ZP2: variants seen among roughly 807,000 people sequenced by gnomAD.
The protein encoded by ZP2 is zona pellucida sperm-binding protein 2.
ZP2 carries 51 observed loss-of-function variants against 84.0 expected under a neutral mutation model. The ratio of observed to expected loss-of-function variants is 0.61; its 90% CI spans 0.49 to 0.77. The LOEUF is 0.77. Ranked by LOEUF, ZP2 falls within the 30% of genes least tolerant of loss-of-function variation. ZP2 has a pLI of 0.00. For synonymous variants in ZP2, 375 were observed against 330.9 expected, an observed-to-expected ratio of 1.13 and a Z score of -1.45; for missense variants, 909 against 911.9, an observed-to-expected ratio of 1.00 and a Z score of 0.04.
chr16:21,200,352 C>A (rs113502602), intron 14 of ZP2, among the ~76,000 whole-genome samples: 1 of 152,126 alleles, frequency 6.6e-6, no homozygotes, highest in Non-Finnish European at 1.5e-5. Flanking sequence ...GCAGGTGAAT[C>A]GCTTGAATCT....
chr16:21,206,526 C>A (rs1256019355), intron 5 of ZP2, among the ~76,000 whole-genome samples: 3 of 152,128 alleles, frequency 2.0e-5, no homozygotes, highest in Non-Finnish European at 4.4e-5. Flanking sequence ...TGGAACATGG[C>A]ATGTATTCCA....
chr16:21,207,007 C>G lies in ZP2; in HGVS notation c.331-17G>C. On this transcript the variant is annotated splice_polypyrimidine_tract_variant and intron_variant, in intron 4 of 18. Coordinates refer to ENST00000574091, the MANE Select transcript of ZP2 (RefSeq NM_001376232.1). ...TCCACCATGCTGTGTACAGATAGCA[C>G]AGTGGGAACAGAGTAAGTACTGTAC... The G allele has an allele frequency of 2.5e-6, 4 of 1,613,916 alleles. No homozygotes were observed. Among genetic ancestry groups the G allele is most frequent in the Non-Finnish European group, 3.4e-6 (4 of 1,179,944 alleles).
At chr16:21,203,912 A>G (rs1597586317) in intron 9 of ZP2, 118 bp downstream of exon 9, 4 of 1,082,102 alleles carry the variant, frequency 3.7e-6, no homozygotes, top group Non-Finnish European at 5.5e-6. Context: ...TGGAGTTTGA[A>G]TCTGTTATGT....
chr16:21,210,169 C>A lies in ZP2; in HGVS notation c.175G>T (p.Glu59Ter), dbSNP rs2093268153. Residue 59 changes from glutamate (E) to a stop codon, truncating the protein, a stop_gained, in exon 3 of 19, where the codon GAA becomes TAA. Coordinates refer to ENST00000574091, the MANE Select transcript of ZP2 (RefSeq NM_001376232.1). LOFTEE classifies it high-confidence loss of function. Reference sequence around the variant, plus strand: ...CTGCTTGGGAACTCCACTGTTATTTCCCTTTCATCGCAAGTGACAGTGCCT... The same window carrying A: ...CTGCTTGGGAACTCCACTGTTATTTACCTTTCATCGCAAGTGACAGTGCCT... ...FPGTVTCDER[E>*]ITVEFPSSPG... is the part of the protein sequence containing the mutation. 2 of 1,613,952 alleles carry A rather than the reference C, an allele frequency of 1.2e-6. No individual in the cohort carries two copies. The highest frequency in any genetic ancestry group is 1.3e-5 in the African/African-American group (1 of 74,884).
chr16:21,198,761 C>T lies in ZP2; in HGVS notation c.2011+18G>A. The T allele has an allele frequency of 6.2e-7, 1 of 1,611,972 alleles. No individual in the cohort carries two copies. The highest frequency in any genetic ancestry group is 8.5e-7 in the Non-Finnish European group (1 of 1,178,368). On this transcript the variant is annotated intron_variant, in intron 17 of 18. Coordinates refer to ENST00000574091, the MANE Select transcript of ZP2 (RefSeq NM_001376232.1). Reference sequence around the variant, plus strand: ...AAGAACTTGAATCCAGGAAGTACTCCAGGCTTTAGGTCCATACCTCTGAAT... The same window carrying T: ...AAGAACTTGAATCCAGGAAGTACTCTAGGCTTTAGGTCCATACCTCTGAAT...
intron 2 of ZP2, among the ~76,000 whole-genome samples, chr16:21,211,011 G>T (rs117327182): frequency 0.02 from 3,098 of 152,068 alleles, 41 homozygotes; most frequent in Non-Finnish European, 0.033. Context: ...ATGAGTTTGT[G>T]TTTGAAGATT....
upstream of ZP2, among the ~76,000 whole-genome samples, chr16:21,214,045 C>T (rs73537738): frequency 6.6e-6 from 1 of 151,784 alleles, no homozygotes; most frequent in African/African-American, 2.4e-5. Flanking sequence ...GAGATGGTGT[C>T]TTTCTCCAGA....
chr16:21,202,191 G>A lies in ZP2; in HGVS notation c.1200C>T (p.Asn400=). 6.3e-7 allele frequency: 1 copy of A among 1,595,630 alleles called. No individual in the cohort carries two copies. Among genetic ancestry groups the A allele is most frequent in the Non-Finnish European group, 8.5e-7 (1 of 1,175,650 alleles). The change falls in exon 11 of 19, where the codon AAC becomes AAT. Residue 400 remains asparagine, a synonymous_variant. Coordinates refer to ENST00000574091, the MANE Select transcript of ZP2 (RefSeq NM_001376232.1). Reference sequence around the variant, plus strand: ...CCTCAAAGACAGGCTGGCAGGATGAGTTTCCCACCCTCAGAGTACCCAGGT... The same window carrying A: ...CCTCAAAGACAGGCTGGCAGGATGAATTTCCCACCCTCAGAGTACCCAGGT... ...ALDLGTLRVG[N]SSCQPVFEAQ...
chr16:21,209,994 G>GT, intron 3 of ZP2, 115 bp downstream of exon 3: 1 of 920,906 alleles, frequency 1.1e-6, no homozygotes, highest in Non-Finnish European at 1.8e-6. Flanking sequence ...TGGCATCATG[G>GT]GAGTTGGATG....
At chr16:21,199,441 G>A (rs1456471081) in intron 16 of ZP2, 129 bp downstream of exon 16, 12 of 726,770 alleles carry the variant, frequency 1.7e-5, no homozygotes, top group African/African-American at 3.7e-5. Flanking sequence ...ACCAAGTTTT[G>A]ACTGGGCCAA....
At chr16:21,208,172 G>A (rs1235994537) in intron 4 of ZP2, among the ~76,000 whole-genome samples, 1 of 152,214 alleles carries the variant, frequency 6.6e-6, no homozygotes, top group African/African-American at 2.4e-5. Flanking sequence ...AGCCATGATT[G>A]CAGCCACTAC....
intron 18 of ZP2, 50 bp downstream of exon 18, chr16:21,197,716 A>G: frequency 6.2e-7 from 1 of 1,613,068 alleles, no homozygotes; most frequent in Non-Finnish European, 8.5e-7. Context: ...GGGTAAAACT[A>G]AGCCTTCAAC....
At chr16:21,212,949 G>A (rs539914130), upstream of ZP2, among the ~76,000 whole-genome samples, 11 of 152,292 alleles carry the variant, frequency 7.2e-5, no homozygotes, top group African/African-American at 2.6e-4. Context: ...TCCAAAATAG[G>A]TGGATATAAG....
intron 17 of ZP2, chr16:21,198,050 CAT>C (rs1185447456): frequency 3.8e-6 from 2 of 522,112 alleles, no homozygotes; most frequent in Non-Finnish European, 6.8e-6. Context: ...TTGCTAGAAA[CAT>C]ATCTTAAATC....
chr16:21,213,107 C>T (rs2093280875), upstream of ZP2, among the ~76,000 whole-genome samples: 1 of 152,136 alleles, frequency 6.6e-6, no homozygotes, highest in Non-Finnish European at 1.5e-5. Flanking sequence ...TGCAGTGGCG[C>T]AATCTTGGCT....
At position 21,206,366 on chromosome 16, in the gene ZP2, G is replaced by T. The variant is rs114943760; in HGVS notation, c.483+472C>A. ...AAATCAGGTACTATGTAAAAGCCATGCAGTTCTATCATTGTTATTGAGTTG... is the reference window on the plus strand; with the variant it reads ...AAATCAGGTACTATGTAAAAGCCATTCAGTTCTATCATTGTTATTGAGTTG... On this transcript the variant is annotated intron_variant, in intron 5 of 18. Coordinates refer to ENST00000574091, the MANE Select transcript of ZP2 (RefSeq NM_001376232.1). 9.2e-3 allele frequency among the ~76,000 whole-genome samples: 1,396 copies of T among 152,282 alleles called. 27 individuals are homozygous for T. Among genetic ancestry groups the T allele is most frequent in the African/African-American group, 0.032 (1,336 of 41,558 alleles).
At chr16:21,210,328 A>C in intron 2 of ZP2, 136 bp from the exon 3 acceptor site, 1 of 675,466 alleles carries the variant, frequency 1.5e-6, no homozygotes, top group Non-Finnish European at 2.7e-6. Flanking sequence ...GGGAGAGCTC[A>C]CAAACAAGTG....
chr16:21,201,068 G>A (rs1464054466), intron 14 of ZP2, among the ~76,000 whole-genome samples: 2 of 152,108 alleles, frequency 1.3e-5, no homozygotes, highest in African/African-American at 2.4e-5. Flanking sequence ...GCTTGGTGGT[G>A]TGCCCCTGTA....
chr16:21,197,875 C>T, intron 17 of ZP2, 26 bp from the exon 18 acceptor site: 1 of 1,609,188 alleles, frequency 6.2e-7, no homozygotes, highest in South Asian at 1.1e-5. Context: ...GAGTTTAGTA[C>T]AACATCTTCA....
Sources: gnomAD v4.1 joint callset for allele counts (sites outside exome capture counted in the v4.1 genomes callset) on GRCh38, gnomAD v4.1.1 for gene constraint, MANE v1.5 for transcripts, NCBI Gene and HGNC (gene_info 2026-07-23, HGNC 2026-07-21) for gene names.